The following TTC39C variants were observed in gnomAD, a reference collection of about 807,000 sequenced individuals.
The protein encoded by TTC39C is tetratricopeptide repeat domain 39C, also known as tetratricopeptide repeat protein 39C.
A neutral mutation model predicts 76.3 loss-of-function variants in TTC39C; 33 were observed. That is an observed-to-expected ratio of 0.43 (90% CI 0.33 to 0.58). TTC39C has a LOEUF of 0.58. TTC39C is among the 20% of genes least tolerant of loss of function. The pLI is 0.04. For missense variants in TTC39C, 595 were observed against 701.4 expected (o/e 0.85, Z 1.71); for synonymous variants, 254 against 260.6 (o/e 0.97, Z 0.24).
chr18:24,105,696 G>T (rs2084737763), intron 6 of TTC39C, among the ~76,000 whole-genome samples: 1 of 152,246 alleles, frequency 6.6e-6, no homozygotes, highest in African/African-American at 2.4e-5. Context: ...CCACCACATG[G>T]GTGATGGTGG....
chr18:24,125,582 A>G (rs1346081835), intron 10 of TTC39C, 32 bp downstream of exon 10: 8 of 1,612,098 alleles, frequency 5.0e-6, no homozygotes, highest in South Asian at 1.1e-5. Flanking sequence ...AAAACTGTCT[A>G]CTGGACACAC....
At chr18:24,014,077 T>A (rs2083414506), upstream of TTC39C, among the ~76,000 whole-genome samples, 1 of 152,236 alleles carries the variant, frequency 6.6e-6, no homozygotes, top group African/African-American at 2.4e-5. Context: ...TGCCTTGCAG[T>A]CCCGCAGCGC....
intron 1 of TTC39C, among the ~76,000 whole-genome samples, chr18:24,026,028 C>T (rs1036768930): frequency 1.1e-4 from 17 of 152,196 alleles, no homozygotes; most frequent in African/African-American, 4.1e-4. Flanking sequence ...ACACCAGTCA[C>T]ACACACATTG....
intron 1 of TTC39C, among the ~76,000 whole-genome samples, chr18:24,052,655 C>T (rs1250619374): frequency 1.3e-5 from 2 of 152,088 alleles, no homozygotes; most frequent in African/African-American, 4.8e-5. Context: ...ACGATGATCC[C>T]GAATTTTATT....
At chr18:24,024,169 C>T (rs67852288) in intron 1 of TTC39C, among the ~76,000 whole-genome samples, 30,636 of 148,876 alleles carry the variant, frequency 0.21, 3,961 homozygotes, top group East Asian at 0.6. Context: ...TGTACCACCA[C>T]GCCAGGCTAA....
intron 6 of TTC39C, 82 bp from the exon 7 acceptor site, chr18:24,114,472 G>GA (rs1568442803): frequency 9.2e-7 from 1 of 1,084,908 alleles, no homozygotes; most frequent in African/African-American, 1.6e-5. Context: ...AACTATGAAG[G>GA]AAAAAGATGC....
chr18:24,017,546 A>G (rs1244235763), intron 1 of TTC39C, among the ~76,000 whole-genome samples: 3 of 152,240 alleles, frequency 2.0e-5, no homozygotes, highest in Non-Finnish European at 4.4e-5. Flanking sequence ...TAGTTCGAGT[A>G]CAAGACACAA....
chr18:24,082,933 A>C lies in TTC39C; in HGVS notation c.836A>C (p.His279Pro). The change falls in exon 6 of 14, where the codon CAT becomes CCT. Residue 279 changes from histidine (H) to proline (P), a missense_variant. Transcript: ENST00000317571. ...PLATLALLWY[H>P]TVVRPFFALD... ...TCTAGATTAGCTCTGCTCTGGTATCATACTGTAGTCCGCCCGTTTTTTGCC... is the reference window on the plus strand; with the variant it reads ...TCTAGATTAGCTCTGCTCTGGTATCCTACTGTAGTCCGCCCGTTTTTTGCC... The C allele has an allele frequency of 6.2e-7, 1 of 1,613,686 alleles. No individual in the cohort carries two copies. The highest frequency in any genetic ancestry group is 8.5e-7 in the Non-Finnish European group (1 of 1,179,742).
intron 6 of TTC39C, among the ~76,000 whole-genome samples, chr18:24,088,479 G>A (rs1477833825): frequency 6.6e-6 from 1 of 152,160 alleles, no homozygotes; most frequent in East Asian, 1.9e-4. Flanking sequence ...GGAACAGTTC[G>A]GATTGCAGTA....
At chr18:24,050,763 T>C (rs1362255839) in intron 1 of TTC39C, among the ~76,000 whole-genome samples, 1 of 151,250 alleles carries the variant, frequency 6.6e-6, no homozygotes, top group Non-Finnish European at 1.5e-5. Flanking sequence ...TCCCAGCTAT[T>C]CAGGAGGTTG....
intron 4 of TTC39C, among the ~76,000 whole-genome samples, chr18:24,078,841 C>A (rs1189921130): frequency 6.6e-6 from 1 of 152,198 alleles, no homozygotes. Context: ...CCACTCTTAT[C>A]AGTCCTGGAA....
intron 10 of TTC39C, 137 bp downstream of exon 10, chr18:24,125,687 G>C (rs2085042051): frequency 1.8e-6 from 2 of 1,127,092 alleles, no homozygotes; most frequent in African/African-American, 3.1e-5. Context: ...TCCTTAGATA[G>C]AGGGTGTCGT....
intron 3 of TTC39C, among the ~76,000 whole-genome samples, chr18:24,067,902 T>A (rs1183562583): frequency 2.6e-5 from 4 of 152,188 alleles, no homozygotes; most frequent in Non-Finnish European, 4.4e-5. Context: ...TGGAACATTC[T>A]CCTCCCTCGT....
At chr18:24,121,694 A>T (rs2084970810) in intron 8 of TTC39C, among the ~76,000 whole-genome samples, 2 of 152,176 alleles carry the variant, frequency 1.3e-5, no homozygotes, top group African/African-American at 4.8e-5. Flanking sequence ...GTTGCTGTTT[A>T]TGACTGGCTT....
At chr18:24,072,405 C>T (rs367841561) in intron 4 of TTC39C, among the ~76,000 whole-genome samples, 2 of 151,928 alleles carry the variant, frequency 1.3e-5, no homozygotes, top group East Asian at 3.9e-4. Flanking sequence ...AAGTGATTCT[C>T]GTACGTTAGC....
Position 24,130,297 on chromosome 18 carries a change from T to C in TTC39C, c.1519-16T>C, listed in dbSNP as rs1361386444. 2 of 1,414,818 alleles carry C rather than the reference T, an allele frequency of 1.4e-6. No homozygotes were observed. The highest frequency in any genetic ancestry group is 2.0e-6 in the Non-Finnish European group (2 of 1,018,848). The allele number at this position is 1,414,818 out of a possible 1,614,324, so 87.6% of individuals were successfully genotyped here. On this transcript the variant is annotated splice_polypyrimidine_tract_variant and intron_variant, in intron 11 of 13. Transcript: ENST00000317571. Reference sequence around the variant, plus strand: ...AGGAAAATGAATTCATCCAATAACATTTGCATTCCTTTCAGTACTTCCAGC... The same window carrying C: ...AGGAAAATGAATTCATCCAATAACACTTGCATTCCTTTCAGTACTTCCAGC...
At chr18:24,039,680 A>G (rs1440585287) in intron 1 of TTC39C, among the ~76,000 whole-genome samples, 1 of 152,224 alleles carries the variant, frequency 6.6e-6, no homozygotes, top group Non-Finnish European at 1.5e-5. Flanking sequence ...GTGTTTTAGA[A>G]AACTAATTCT....
chr18:24,087,539 G>A (rs1191951887), intron 6 of TTC39C, among the ~76,000 whole-genome samples: 1 of 150,988 alleles, frequency 6.6e-6, no homozygotes, highest in Non-Finnish European at 1.5e-5. Flanking sequence ...TAAAGTTAAT[G>A]AACATATTCT....
At chr18:24,118,263 C>A in intron 8 of TTC39C, 31 bp downstream of exon 8, 1 of 1,572,564 alleles carries the variant, frequency 6.4e-7, no homozygotes, top group Non-Finnish European at 8.7e-7. Flanking sequence ...CAGTGTGCCT[C>A]TCTCTGTCGT....
Sources: allele counts gnomAD v4.1 joint callset (sites outside exome capture counted in the v4.1 genomes callset), GRCh38; gene constraint gnomAD v4.1.1; transcripts MANE v1.5; gene names NCBI Gene and HGNC (gene_info 2026-07-23, HGNC 2026-07-21).